Variants in ADAMTS16 observed in about 807,000 individuals in gnomAD.
The protein encoded by ADAMTS16 is A disintegrin and metalloproteinase with thrombospondin motifs 16.
In ADAMTS16, 94 loss-of-function variants were observed where a neutral mutation model predicts 145.8. The ratio of observed to expected loss-of-function variants is 0.64; its 90% CI spans 0.55 to 0.77. ADAMTS16 has a LOEUF of 0.77. ADAMTS16 is among the 30% of genes least tolerant of loss of function. The pLI, the probability that ADAMTS16 is intolerant of heterozygous loss-of-function variation, is 0.00. For missense variants in ADAMTS16, 1,585 were observed against 1,591.5 expected (o/e 1.00, Z 0.07); for synonymous variants, 659 against 604.3 (o/e 1.09, Z -1.33).
At chr5:5,298,642 T>C (rs1739645602) in intron 18 of ADAMTS16, among the ~76,000 whole-genome samples, 1 of 132,062 alleles carries the variant, frequency 7.6e-6, no homozygotes, top group Non-Finnish European at 1.7e-5. Context: ...AAGAGGCAGA[T>C]TTTTCCAACT....
intron 8 of ADAMTS16, among the ~76,000 whole-genome samples, chr5:5,192,550 T>C (rs2126578866): frequency 6.6e-6 from 1 of 152,288 alleles, no homozygotes; most frequent in South Asian, 2.1e-4. Flanking sequence ...CAGGCAGGCC[T>C]CTAGGAACTG....
At chr5:5,283,105 G>A (rs1005671367) in intron 18 of ADAMTS16, among the ~76,000 whole-genome samples, 1 of 151,932 alleles carries the variant, frequency 6.6e-6, no homozygotes, top group Non-Finnish European at 1.5e-5. Flanking sequence ...CCTCTCTAGT[G>A]TGTATATCTC....
chr5:5,167,303 A>G (rs1030215989), intron 3 of ADAMTS16, among the ~76,000 whole-genome samples: 3 of 152,180 alleles, frequency 2.0e-5, no homozygotes, highest in Middle Eastern at 3.2e-3. Context: ...CAAAAACACT[A>G]CACTCCCTGG....
chr5:5,290,638 G>A (rs1038239344), intron 18 of ADAMTS16, among the ~76,000 whole-genome samples: 2 of 152,078 alleles, frequency 1.3e-5, no homozygotes, highest in Non-Finnish European at 2.9e-5. Context: ...CAACGAGAGC[G>A]AAACTCCATC....
rs957812740 is a variant in ADAMTS16 at position 5,286,331 on chromosome 5, A to C, written c.2790-16937A>C. Among the ~76,000 whole-genome samples, 5 of 152,328 alleles carry C rather than the reference A, an allele frequency of 3.3e-5. No individual in the cohort carries two copies. In the East Asian group the frequency reaches 9.7e-4, roughly 29 times the overall value. On this transcript the variant is annotated intron_variant, in intron 18 of 22. Transcript: ENST00000274181. ...TGCCAATGATAATACAGCTAATTTC[A>C]TTATACAGTACAGTATATTCCTCCT...
At chr5:5,245,333 T>A (rs1737407965) in intron 17 of ADAMTS16, among the ~76,000 whole-genome samples, 1 of 152,152 alleles carries the variant, frequency 6.6e-6, no homozygotes, top group Admixed American at 6.5e-5. Flanking sequence ...TCATTCTCAG[T>A]TTTTCAATTT....
chr5:5,175,232 AC>A (rs1302896525), intron 3 of ADAMTS16, among the ~76,000 whole-genome samples: 1 of 152,150 alleles, frequency 6.6e-6, no homozygotes, highest in Non-Finnish European at 1.5e-5. Flanking sequence ...ATGAATCCTG[AC>A]AGGACTGGGT....
At chr5:5,247,974 C>T (rs1000420647) in intron 17 of ADAMTS16, among the ~76,000 whole-genome samples, 1 of 152,230 alleles carries the variant, frequency 6.6e-6, no homozygotes, top group Non-Finnish European at 1.5e-5. Flanking sequence ...AGGAATACAC[C>T]TTTGAGCTAT....
intron 4 of ADAMTS16, 27 bp from the exon 5 acceptor site, chr5:5,186,025 A>G: frequency 1.9e-6 from 3 of 1,591,106 alleles, no homozygotes; most frequent in Admixed American, 1.7e-5. Context: ...TTGTGCTTCC[A>G]TTTGCCCTCC....
intron 3 of ADAMTS16, among the ~76,000 whole-genome samples, chr5:5,175,437 T>G (rs1040112142): frequency 2.6e-5 from 4 of 152,178 alleles, no homozygotes; most frequent in Non-Finnish European, 4.4e-5. Context: ...GAGAGGAGTC[T>G]GTCTCAGAGT....
At position 5,245,051 on chromosome 5, in the gene ADAMTS16, G is replaced by T. The variant is rs115852529; in HGVS notation, c.2662+2860G>T. ...AGATCTCATTACTCAATTTTAAGTG[G>T]TTATTTTGATTAAGCACTTTTTCAG... On this transcript the variant is annotated intron_variant, in intron 17 of 22. Transcript: ENST00000274181. Among the ~76,000 whole-genome samples, 449 of 152,228 alleles carry T rather than the reference G, an allele frequency of 2.9e-3. 3 individuals carry two copies. The highest frequency in any genetic ancestry group is 0.01 in the African/African-American group (431 of 41,538).
intron 10 of ADAMTS16, among the ~76,000 whole-genome samples, chr5:5,215,907 T>TC: frequency 7.1e-6 from 1 of 140,030 alleles, no homozygotes; most frequent in South Asian, 2.2e-4. Context: ...TATATATATA[T>TC]ATATATATCA....
In ADAMTS16 at chr5:5,283,595, T is replaced by C. The variant is rs182699294; in HGVS notation, c.2790-19673T>C. Among the ~76,000 whole-genome samples the C allele has an allele frequency of 1.8e-3, 276 of 152,046 alleles. 7 individuals carry two copies. Among genetic ancestry groups the C allele is most frequent in the Admixed American group, 0.018 (271 of 15,268 alleles). ...CAGTCACACAGGATCCTGGGCTCAA[T>C]AGGCAAAAGGTGTAAACTCACGAGA... is the stretch of plus-strand genomic sequence containing the variant. On this transcript the variant is annotated intron_variant, in intron 18 of 22. Transcript: ENST00000274181.
At position 5,182,394 on chromosome 5, in the gene ADAMTS16, C is replaced by T. The variant is rs1735367177; in HGVS notation, c.763+89C>T. ...CTTGTACATTTTCTTCAAAGCATGTCTGCCCACGGGGTGAAATCTATGGAC... is the reference window on the plus strand; with the variant it reads ...CTTGTACATTTTCTTCAAAGCATGTTTGCCCACGGGGTGAAATCTATGGAC... On this transcript the variant is annotated intron_variant, in intron 4 of 22. Transcript: ENST00000274181. 1.5e-5 allele frequency: 23 copies of T among 1,501,978 alleles called. No individual in the cohort carries two copies. The South Asian group carries it at 2.6e-4, about 17-fold the overall frequency. 93.0% of individuals were successfully genotyped at this position (1,501,978 alleles called of 1,614,324 possible).
intron 3 of ADAMTS16, among the ~76,000 whole-genome samples, chr5:5,178,651 A>G (rs746503234): frequency 3.9e-5 from 6 of 152,244 alleles, no homozygotes; most frequent in Non-Finnish European, 7.3e-5. Flanking sequence ...TAAATTATTA[A>G]TGAAACAAGT....
At chr5:5,175,398 G>A (rs376963816) in intron 3 of ADAMTS16, among the ~76,000 whole-genome samples, 8 of 152,254 alleles carry the variant, frequency 5.3e-5, no homozygotes, top group Middle Eastern at 3.4e-3. Context: ...CAAAGTGCTC[G>A]TTAAACTTTT....
intron 3 of ADAMTS16, among the ~76,000 whole-genome samples, chr5:5,173,207 A>C (rs1579287761): frequency 1.4e-5 from 2 of 145,834 alleles, no homozygotes; most frequent in African/African-American, 2.5e-5. Context: ...CCATTCAGCC[A>C]CTCTATGTCT....
intron 17 of ADAMTS16, among the ~76,000 whole-genome samples, chr5:5,252,394 T>A (rs1386213906): frequency 6.6e-6 from 1 of 152,150 alleles, no homozygotes; most frequent in Non-Finnish European, 1.5e-5. Flanking sequence ...TTCCACTGAA[T>A]GCAGCAGTTA....
At chr5:5,190,537 T>A (rs1735636330) in intron 7 of ADAMTS16, among the ~76,000 whole-genome samples, 3 of 152,156 alleles carry the variant, frequency 2.0e-5, no homozygotes, top group African/African-American at 7.2e-5. Context: ...TCTCTCTGTA[T>A]CTCAATCTTA....
Sources: gnomAD v4.1 joint callset for allele counts (sites outside exome capture counted in the v4.1 genomes callset) on GRCh38, gnomAD v4.1.1 for gene constraint, MANE v1.5 for transcripts, NCBI Gene and HGNC (gene_info 2026-07-23, HGNC 2026-07-21) for gene names.